SPATA22: variants seen among roughly 807,000 people sequenced by gnomAD.
SPATA22 encodes the protein spermatogenesis-associated protein 22.
SPATA22 carries 29 observed loss-of-function variants against 47.8 expected under a neutral mutation model. The observed-to-expected ratio is 0.61, with a 90% CI of 0.45 to 0.83. The LOEUF (loss-of-function observed/expected upper bound fraction) is 0.83. Ranked by LOEUF, SPATA22 falls within the 40% of genes least tolerant of loss-of-function variation. The probability of loss-of-function intolerance (pLI) is 0.00; values close to 1 mark genes in which losing one functional copy is unlikely to be tolerated. For synonymous variants in SPATA22, 133 were observed against 140.9 expected, an observed-to-expected ratio of 0.94 and a Z score of 0.40; for missense variants, 410 against 421.7, an observed-to-expected ratio of 0.97 and a Z score of 0.24.
intron 7 of SPATA22, among the ~76,000 whole-genome samples, chr17:3,443,617 C>T (rs2072646501): frequency 1.3e-5 from 2 of 151,808 alleles, no homozygotes; most frequent in Non-Finnish European, 2.9e-5. Flanking sequence ...ACATGTGTAA[C>T]AAATAAGCAT....
intron 5 of SPATA22, among the ~76,000 whole-genome samples, chr17:3,458,855 C>CAAAAAAAAAAAAA (rs545223532): frequency 0.013 from 503 of 38,338 alleles, 38 homozygotes; most frequent in Middle Eastern, 0.029. Flanking sequence ...CGAAACTTCA[C>CAAAAAAAAAAAAA]AAAAAAAAAA....
chr17:3,476,066 T>G, upstream of SPATA22: 17 of 1,190,954 alleles, frequency 1.4e-5, no homozygotes, highest in Non-Finnish European at 1.8e-5. Flanking sequence ...TTGGGTAAAG[T>G]CTCATTTACA....
intron 1 of SPATA22, among the ~76,000 whole-genome samples, chr17:3,508,453 A>T (rs1032809907): frequency 3.3e-5 from 5 of 151,472 alleles, no homozygotes; most frequent in Admixed American, 2.6e-4. Context: ...ATGCACACGT[A>T]TGTTTATTGC....
intron 1 of SPATA22, among the ~76,000 whole-genome samples, chr17:3,478,705 G>A (rs926178658): frequency 3.9e-5 from 6 of 152,132 alleles, no homozygotes; most frequent in Non-Finnish European, 5.9e-5. Flanking sequence ...AGACTAGACT[G>A]TTCCCAGCGT....
At chr17:3,471,355 AAAC>A (rs1051980355) in intron 1 of SPATA22, 42 of 896,472 alleles carry the variant, frequency 4.7e-5, no homozygotes, top group African/African-American at 7.2e-5. Flanking sequence ...CAAACAGAAT[AAAC>A]AACAACAAAA....
chr17:3,458,947 C>T (rs1030172674), intron 5 of SPATA22, among the ~76,000 whole-genome samples: 1 of 146,396 alleles, frequency 6.8e-6, no homozygotes, highest in African/African-American at 2.5e-5. Flanking sequence ...AAAGAGATAA[C>T]GGAATACTAT....
At chr17:3,447,682 C>G (rs1381052629) in intron 6 of SPATA22, among the ~76,000 whole-genome samples, 1 of 152,104 alleles carries the variant, frequency 6.6e-6, no homozygotes, top group Non-Finnish European at 1.5e-5. Flanking sequence ...GTTACCATTC[C>G]TAGGCTGAAA....
intron 5 of SPATA22, among the ~76,000 whole-genome samples, chr17:3,457,737 C>T (rs181501756): frequency 1.3e-5 from 2 of 152,110 alleles, no homozygotes; most frequent in East Asian, 3.9e-4. Context: ...AAGTCTCTGC[C>T]ATAAATAGTG....
At chr17:3,463,911 C>G (rs2073195075) in intron 3 of SPATA22, among the ~76,000 whole-genome samples, 1 of 54,828 alleles carries the variant, frequency 1.8e-5, no homozygotes. Context: ...AACACTGATC[C>G]TCTCCCTCTC....
intron 5 of SPATA22, among the ~76,000 whole-genome samples, chr17:3,452,287 T>TA (rs764063365): frequency 0.012 from 1,605 of 129,554 alleles, 14 homozygotes; most frequent in Non-Finnish European, 0.015. Flanking sequence ...AATAGAGAAT[T>TA]AAAAAAAAAA....
chr17:3,464,481 G>C (rs1354376264), intron 3 of SPATA22, among the ~76,000 whole-genome samples: 1 of 128,902 alleles, frequency 7.8e-6, no homozygotes, highest in African/African-American at 2.8e-5. Context: ...TGGCTGCCCA[G>C]TCTGGAAAGT....
At chr17:3,457,397 C>T (rs2073021822) in intron 5 of SPATA22, among the ~76,000 whole-genome samples, 1 of 152,124 alleles carries the variant, frequency 6.6e-6, no homozygotes, top group Non-Finnish European at 1.5e-5. Flanking sequence ...TGTTAAATGT[C>T]CAAACTACCC....
intron 1 of SPATA22, among the ~76,000 whole-genome samples, chr17:3,469,793 C>G (rs2073386821): frequency 6.6e-6 from 1 of 152,140 alleles, no homozygotes; most frequent in Non-Finnish European, 1.5e-5. Flanking sequence ...CCTCCATGCC[C>G]CACTTTAAGG....
intron 1 of SPATA22, among the ~76,000 whole-genome samples, chr17:3,477,148 C>A (rs370967225): frequency 1.3e-5 from 2 of 152,032 alleles, no homozygotes; most frequent in South Asian, 4.2e-4. Context: ...GAGCAAGACT[C>A]CGTCTCAAAA....
intron 1 of SPATA22, among the ~76,000 whole-genome samples, chr17:3,492,871 T>C (rs1343017072): frequency 6.6e-6 from 1 of 152,156 alleles, no homozygotes; most frequent in African/African-American, 2.4e-5. Flanking sequence ...AAAGCCAGTG[T>C]AGACGGAAGA....
chr17:3,460,011 T>A (rs1378046161), intron 5 of SPATA22, among the ~76,000 whole-genome samples: 1 of 152,336 alleles, frequency 6.6e-6, no homozygotes, highest in Admixed American at 6.5e-5. Flanking sequence ...AAAGACATGA[T>A]GTGTTATAAG....
intron 1 of SPATA22, chr17:3,500,500 C>CTTGT (rs1555541510): frequency 1.6e-4 from 3 of 18,428 alleles, no homozygotes; most frequent in Non-Finnish European, 7.9e-4. Flanking sequence ...TCCTAAAACT[C>CTTGT]TTGTTTTTTG....
At chr17:3,503,847 G>A (rs1243597006) in intron 1 of SPATA22, among the ~76,000 whole-genome samples, 1 of 152,026 alleles carries the variant, frequency 6.6e-6, no homozygotes, top group Non-Finnish European at 1.5e-5. Context: ...CCTTTCATGG[G>A]GTTACTGTGA....
chr17:3,453,896 G>T (rs34154974), intron 5 of SPATA22, among the ~76,000 whole-genome samples: 35,102 of 151,936 alleles, frequency 0.23, 4,331 homozygotes, highest in East Asian at 0.42. Context: ...CCAAGAAAAG[G>T]AAATAAAAGG....
Sources: allele counts gnomAD v4.1 joint callset (sites outside exome capture counted in the v4.1 genomes callset), GRCh38; gene constraint gnomAD v4.1.1; transcripts MANE v1.5; gene names NCBI Gene and HGNC (gene_info 2026-07-23, HGNC 2026-07-21).